Variants in GUCY1A2 observed in about 807,000 individuals in gnomAD.
GUCY1A2 encodes the protein guanylate cyclase 1 soluble subunit alpha 2, also known as guanylate cyclase soluble subunit alpha-2.
A neutral mutation model predicts 63.5 loss-of-function variants in GUCY1A2; 27 were observed. That is an observed-to-expected ratio of 0.43 (90% CI 0.31 to 0.59). The LOEUF is 0.59. Ranked by LOEUF, GUCY1A2 falls within the 20% of genes least tolerant of loss-of-function variation. The pLI is 0.11. For missense variants in GUCY1A2, 768 were observed against 913.3 expected, an observed-to-expected ratio of 0.84 and a Z score of 2.05; for synonymous variants, 364 against 343.5, an observed-to-expected ratio of 1.06 and a Z score of -0.66.
chr11:106,985,928 C>T lies in GUCY1A2; in HGVS notation c.365+142G>A, dbSNP rs180806022. 1.6e-5 allele frequency: 10 copies of T among 609,532 alleles called. No homozygotes were observed. The South Asian group carries it at 1.7e-4, about 10-fold the overall frequency. The allele number at this position is 609,532 out of a possible 1,614,324, so 37.8% of individuals were successfully genotyped here. On this transcript the variant is annotated intron_variant, in intron 2 of 7. Coordinates refer to ENST00000526355, the MANE Select transcript of GUCY1A2 (RefSeq NM_000855.3). ...CACTCCAAGGGACTCCCCCAATAAGCCTTCACGCCCCACACTATGAAAACA... is the reference window on the plus strand; with the variant it reads ...CACTCCAAGGGACTCCCCCAATAAGTCTTCACGCCCCACACTATGAAAACA...
intron 4 of GUCY1A2, among the ~76,000 whole-genome samples, chr11:106,878,271 A>G (rs1859777980): frequency 1.3e-5 from 2 of 152,098 alleles, no homozygotes; most frequent in Non-Finnish European, 2.9e-5. Flanking sequence ...TAGCCATCTC[A>G]TCATTGTATG....
intron 6 of GUCY1A2, among the ~76,000 whole-genome samples, chr11:106,734,938 T>C (rs1042755593): frequency 1.3e-5 from 2 of 152,182 alleles, no homozygotes; most frequent in East Asian, 3.8e-4. Flanking sequence ...AGGTGTGTTT[T>C]AGAATTGATG....
At chr11:106,824,123 G>A (rs1260179184) in intron 4 of GUCY1A2, 22 of 1,511,100 alleles carry the variant, frequency 1.5e-5, no homozygotes, top group East Asian at 2.3e-5. Context: ...CTAATCTTCT[G>A]AACAATGAGG....
At chr11:106,725,318 G>A (rs1863388212) in intron 6 of GUCY1A2, among the ~76,000 whole-genome samples, 1 of 101,630 alleles carries the variant, frequency 9.8e-6, no homozygotes, top group Non-Finnish European at 2.1e-5. Flanking sequence ...GACTACAGGC[G>A]CCCGCCACTA....
intron 5 of GUCY1A2, among the ~76,000 whole-genome samples, chr11:106,791,805 G>C (rs10890587): frequency 6.6e-6 from 1 of 151,898 alleles, no homozygotes; most frequent in Non-Finnish European, 1.5e-5. Context: ...TAATACATTT[G>C]ATTCCTTTAG....
At chr11:106,687,959 A>G (rs1862558306) in intron 7 of GUCY1A2, among the ~76,000 whole-genome samples, 1 of 152,164 alleles carries the variant, frequency 6.6e-6, no homozygotes, top group South Asian at 2.1e-4. Context: ...GATAATAATA[A>G]AAAAACCCCA....
intron 1 of GUCY1A2, among the ~76,000 whole-genome samples, chr11:106,994,629 G>A (rs895276211): frequency 2.0e-5 from 3 of 151,980 alleles, no homozygotes; most frequent in Non-Finnish European, 4.4e-5. Context: ...CACATTTCAC[G>A]AATGAAAAAA....
chr11:106,876,572 A>G (rs1591310905), intron 4 of GUCY1A2, among the ~76,000 whole-genome samples: 1 of 152,100 alleles, frequency 6.6e-6, no homozygotes, highest in African/African-American at 2.4e-5. Context: ...TACATGACCA[A>G]CCTCCTATAA....
chr11:106,757,569 C>CCT (rs1423811063), intron 6 of GUCY1A2, among the ~76,000 whole-genome samples: 1 of 152,112 alleles, frequency 6.6e-6, no homozygotes, highest in Non-Finnish European at 1.5e-5. Flanking sequence ...TGATGCTATT[C>CCT]CTCTCTGTTT....
At chr11:106,843,367 T>C (rs1859226869) in intron 4 of GUCY1A2, among the ~76,000 whole-genome samples, 1 of 151,714 alleles carries the variant, frequency 6.6e-6, no homozygotes, top group South Asian at 2.1e-4. Flanking sequence ...CCAAAATCTA[T>C]GCATGTCACC....
intron 3 of GUCY1A2, among the ~76,000 whole-genome samples, chr11:106,976,206 GTGA>G (rs1861259761): frequency 6.6e-6 from 1 of 151,896 alleles, no homozygotes; most frequent in African/African-American, 2.4e-5. Context: ...CTCCCCAAAG[GTGA>G]TAAATATAAA....
chr11:106,852,535 A>G (rs1285271149), intron 4 of GUCY1A2, among the ~76,000 whole-genome samples: 2 of 152,102 alleles, frequency 1.3e-5, no homozygotes, highest in African/African-American at 2.4e-5. Context: ...GCTGAATTTT[A>G]TCAAATGCTT....
At chr11:106,991,150 C>T (rs545559677) in intron 1 of GUCY1A2, among the ~76,000 whole-genome samples, 3 of 147,548 alleles carry the variant, frequency 2.0e-5, no homozygotes, top group South Asian at 2.3e-4. Flanking sequence ...CCACCATGCC[C>T]GGCTTTTTTT....
At chr11:106,793,029 A>G (rs1864690959) in intron 5 of GUCY1A2, among the ~76,000 whole-genome samples, 1 of 152,202 alleles carries the variant, frequency 6.6e-6, no homozygotes, top group South Asian at 2.1e-4. Flanking sequence ...AATAGAAAAA[A>G]AATCCTAAAA....
chr11:106,990,521 T>A (rs541508040), intron 1 of GUCY1A2, among the ~76,000 whole-genome samples: 52 of 152,394 alleles, frequency 3.4e-4, no homozygotes, highest in African/African-American at 1.2e-3. Context: ...CTGCTCTGGA[T>A]ATCTGCACCA....
At chr11:106,722,124 C>T (rs1267848299) in intron 6 of GUCY1A2, among the ~76,000 whole-genome samples, 1 of 152,012 alleles carries the variant, frequency 6.6e-6, no homozygotes, top group East Asian at 1.9e-4. Context: ...CACAAATGTT[C>T]CTCTTTCCCT....
chr11:106,827,589 T>C, intron 4 of GUCY1A2: 2 of 1,474,414 alleles, frequency 1.4e-6, no homozygotes, highest in South Asian at 2.3e-5. Context: ...CTGATTGCCA[T>C]CTTCTGTTAC....
intron 3 of GUCY1A2, among the ~76,000 whole-genome samples, chr11:106,976,730 T>C (rs1204536432): frequency 6.6e-6 from 1 of 152,040 alleles, no homozygotes; most frequent in African/African-American, 2.4e-5. Flanking sequence ...AGACCTAGTA[T>C]CTCTTTTGTA....
intron 5 of GUCY1A2, among the ~76,000 whole-genome samples, chr11:106,800,108 A>C (rs1324057242): frequency 1.3e-5 from 2 of 152,218 alleles, no homozygotes; most frequent in Non-Finnish European, 2.9e-5. Flanking sequence ...AAAAGAAGAC[A>C]TTTATGCAGC....
Sources: gnomAD v4.1 joint callset for allele counts (sites outside exome capture counted in the v4.1 genomes callset) on GRCh38, gnomAD v4.1.1 for gene constraint, MANE v1.5 for transcripts, NCBI Gene and HGNC (gene_info 2026-07-23, HGNC 2026-07-21) for gene names.